The following LTBP1 variants were observed in gnomAD, a reference collection of about 807,000 sequenced individuals.
LTBP1 encodes the protein latent-transforming growth factor beta-binding protein 1.
In LTBP1, 129 loss-of-function variants were observed where a neutral mutation model predicts 207.6. The observed-to-expected ratio is 0.62, with a 90% CI of 0.54 to 0.72. LTBP1 has a LOEUF of 0.72. Among genes scored for constraint, LTBP1 ranks in the 30% least tolerant of loss-of-function variants. The pLI, the probability that LTBP1 is intolerant of heterozygous loss-of-function variation, is 0.00. For missense variants in LTBP1, 2,281 were observed against 2,217.2 expected, an observed-to-expected ratio of 1.03 and a Z score of -0.58; for synonymous variants, 963 against 833.7, an observed-to-expected ratio of 1.16 and a Z score of -2.67.
At chr2:33,243,883 A>G in intron 10 of LTBP1, 99 bp downstream of exon 10, 3 of 1,342,140 alleles carry the variant, frequency 2.2e-6, no homozygotes, top group Non-Finnish European at 3.1e-6. Flanking sequence ...ATGCTTGTAA[A>G]TATACAGGAA....
At chr2:33,016,869 A>G (rs897504566) in intron 2 of LTBP1, among the ~76,000 whole-genome samples, 19 of 152,100 alleles carry the variant, frequency 1.2e-4, no homozygotes, top group African/African-American at 4.6e-4. Flanking sequence ...CTAAAAATAC[A>G]AAAATTAGCT....
intron 2 of LTBP1, among the ~76,000 whole-genome samples, chr2:32,965,378 T>G (rs79783275): frequency 0.05 from 7,577 of 152,260 alleles, 490 homozygotes; most frequent in East Asian, 0.24. Flanking sequence ...ACTCTTGGTG[T>G]TGTATATTCC....
At chr2:33,378,346 C>G (rs2095170476) in intron 31 of LTBP1, among the ~76,000 whole-genome samples, 1 of 151,968 alleles carries the variant, frequency 6.6e-6, no homozygotes, top group African/African-American at 2.4e-5. Context: ...CTGCCACAGC[C>G]TCCCGAGTAG....
intron 13 of LTBP1, among the ~76,000 whole-genome samples, chr2:33,260,546 T>TA (rs2092982356): frequency 6.6e-6 from 1 of 152,168 alleles, no homozygotes; most frequent in South Asian, 2.1e-4. Flanking sequence ...ATCTTATAAT[T>TA]ATGGGATAGA....
chr2:33,004,786 AAT>A (rs34777461), intron 2 of LTBP1, among the ~76,000 whole-genome samples: 31,590 of 100,990 alleles, frequency 0.31, 4,698 homozygotes, highest in African/African-American at 0.32. Flanking sequence ...AAAAAAAAGG[AAT>A]ATATATATAT....
intron 24 of LTBP1, among the ~76,000 whole-genome samples, chr2:33,341,030 A>G (rs973242308): frequency 1.3e-5 from 2 of 152,288 alleles, no homozygotes; most frequent in African/African-American, 4.8e-5. Flanking sequence ...ATTTGAACAT[A>G]AAAGTACAAT....
chr2:33,235,311 A>T (rs1342913487), intron 9 of LTBP1, among the ~76,000 whole-genome samples: 1 of 152,228 alleles, frequency 6.6e-6, no homozygotes, highest in Non-Finnish European at 1.5e-5. Flanking sequence ...GCTCATCATC[A>T]CTGGTCATTA....
At chr2:33,292,746 G>A (rs571473231) in intron 19 of LTBP1, among the ~76,000 whole-genome samples, 115 of 152,192 alleles carry the variant, frequency 7.6e-4, no homozygotes, top group Non-Finnish European at 3.4e-4. Context: ...TGGGTCATGA[G>A]TCATATCTTT....
intron 5 of LTBP1, among the ~76,000 whole-genome samples, chr2:33,151,356 A>G (rs1387948542): frequency 6.6e-6 from 1 of 152,086 alleles, no homozygotes; most frequent in African/African-American, 2.4e-5. Flanking sequence ...GTGCCATTTT[A>G]TATTCCCACC....
chr2:33,291,791 A>G (rs551653085), intron 19 of LTBP1: 1 of 152,340 alleles, frequency 6.6e-6, no homozygotes, highest in East Asian at 1.9e-4. Context: ...TTCCACTGTA[A>G]GAAAGAATAC....
At chr2:33,200,885 A>G (rs895625395) in intron 7 of LTBP1, among the ~76,000 whole-genome samples, 1 of 152,264 alleles carries the variant, frequency 6.6e-6, no homozygotes, top group African/African-American at 2.4e-5. Flanking sequence ...AATGCTCATC[A>G]TCACTGGCCA....
chr2:33,106,466 A>T lies in LTBP1; in HGVS notation c.864-4116A>T, dbSNP rs78252385. ...TCTTAGATAGGAAGACTTGAAAGTC[A>T]AAATCACTGCTTTATTTATGGGCTA... On this transcript the variant is annotated intron_variant, in intron 3 of 33. Transcript: ENST00000404816. Among the ~76,000 whole-genome samples the T allele has an allele frequency of 8.0e-3, 1,212 of 152,354 alleles. 11 individuals carry two copies. Among genetic ancestry groups the T allele is most frequent in the Middle Eastern group, 0.01 (3 of 294 alleles).
At chr2:32,968,658 T>C (rs1270961154) in intron 2 of LTBP1, among the ~76,000 whole-genome samples, 2 of 152,240 alleles carry the variant, frequency 1.3e-5, no homozygotes, top group East Asian at 1.9e-4. Flanking sequence ...GCTACTGTAT[T>C]TGTTACTGTT....
chr2:33,056,361 G>A, intron 3 of LTBP1: 1 of 1,250,506 alleles, frequency 8.0e-7, no homozygotes, highest in Non-Finnish European at 1.0e-6. Context: ...GTGGCTTTCG[G>A]TTTTCTTTGG....
intron 5 of LTBP1, among the ~76,000 whole-genome samples, chr2:33,141,817 C>G (rs993719470): frequency 7.9e-5 from 12 of 152,158 alleles, no homozygotes; most frequent in Non-Finnish European, 1.5e-4. Flanking sequence ...TTCTTCCAGA[C>G]TTTTCCTATC....
chr2:33,394,380 TC>T (rs1480389330), intron 32 of LTBP1, among the ~76,000 whole-genome samples: 1 of 152,244 alleles, frequency 6.6e-6, no homozygotes, highest in African/African-American at 2.4e-5. Context: ...CCTGCCTATG[TC>T]CTGAATGGTA....
intron 3 of LTBP1, among the ~76,000 whole-genome samples, chr2:33,032,431 C>CT (rs1327469405): frequency 1.3e-5 from 2 of 152,184 alleles, no homozygotes; most frequent in African/African-American, 4.8e-5. Flanking sequence ...TCGATATCAA[C>CT]TTCCGTGTAT....
At chr2:33,375,621 A>G (rs1249378315) in intron 31 of LTBP1, among the ~76,000 whole-genome samples, 2 of 151,738 alleles carry the variant, frequency 1.3e-5, no homozygotes, top group Admixed American at 6.6e-5. Context: ...TCTGCCTCCC[A>G]GGTTCACGCC....
At chr2:33,177,534 G>T (rs1419494840) in intron 5 of LTBP1, among the ~76,000 whole-genome samples, 2 of 152,116 alleles carry the variant, frequency 1.3e-5, no homozygotes, top group Non-Finnish European at 1.5e-5. Flanking sequence ...CAGGAGTGGT[G>T]GTGGGTGCCT....
Sources: gnomAD v4.1 joint callset for allele counts (sites outside exome capture counted in the v4.1 genomes callset) on GRCh38, gnomAD v4.1.1 for gene constraint, MANE v1.5 for transcripts, NCBI Gene and HGNC (gene_info 2026-07-23, HGNC 2026-07-21) for gene names.